NAT1: variants seen among roughly 807,000 people sequenced by gnomAD.
NAT1 encodes the protein N-acetyltransferase 1.
For missense variants in NAT1, 400 were observed against 339.2 expected (o/e 1.18, Z -1.41); for synonymous variants, 144 against 122.6 (o/e 1.17, Z -1.16).
intron 2 of NAT1, among the ~76,000 whole-genome samples, chr8:18,189,948 C>G (rs918248200): frequency 6.6e-6 from 1 of 152,094 alleles, no homozygotes; most frequent in Non-Finnish European, 1.5e-5. Flanking sequence ...TGCCACCACA[C>G]CTGGCTAATT....
At chr8:18,185,157 G>A (rs770518442) in intron 2 of NAT1, among the ~76,000 whole-genome samples, 36 of 152,174 alleles carry the variant, frequency 2.4e-4, no homozygotes, top group Non-Finnish European at 3.7e-4. Flanking sequence ...TTTGTGTACC[G>A]ACATTAGATT....
chr8:18,173,398 T>C (rs190481140), intron 2 of NAT1, among the ~76,000 whole-genome samples: 2 of 152,284 alleles, frequency 1.3e-5, no homozygotes, highest in South Asian at 2.1e-4. Flanking sequence ...TGTTCTTTTA[T>C]CATCCTGTTT....
At chr8:18,173,924 T>C (rs1802192214) in intron 2 of NAT1, among the ~76,000 whole-genome samples, 1 of 143,552 alleles carries the variant, frequency 7.0e-6, no homozygotes, top group African/African-American at 2.7e-5. Context: ...AAGGAGTGAA[T>C]AGACAGACTC....
chr8:18,189,170 T>C (rs1354890246), intron 2 of NAT1, among the ~76,000 whole-genome samples: 1 of 152,142 alleles, frequency 6.6e-6, no homozygotes, highest in African/African-American at 2.4e-5. Context: ...ACAGTTTTTT[T>C]CCTTGGGTAG....
intron 2 of NAT1, among the ~76,000 whole-genome samples, chr8:18,183,426 G>C (rs1221257267): frequency 6.6e-6 from 1 of 152,180 alleles, no homozygotes; most frequent in South Asian, 2.1e-4. Context: ...GTCCCGGTAA[G>C]TCCAAAGTCC....
rs1479620546 is a variant in NAT1 at position 18,222,846 on chromosome 8, C to T, written c.799C>T (p.Leu267=). Residue 267 remains leucine, a synonymous_variant, in exon 3 of 3, where the codon CTG becomes TTG. Transcript: ENST00000307719. ...GAGTGAGGAAGAAATAGAAAAAGTG[C>T]TGAAAAATATATTTAATATTTCCTT... ...TLSEEEIEKV[L]KNIFNISLQR... 1 of 1,601,052 alleles carries T rather than the reference C, an allele frequency of 6.2e-7. No homozygotes were observed. Among genetic ancestry groups the T allele is most frequent in the African/African-American group, 1.3e-5 (1 of 74,294 alleles).
chr8:18,189,192 C>A (rs1211251810), intron 2 of NAT1, among the ~76,000 whole-genome samples: 3 of 152,094 alleles, frequency 2.0e-5, no homozygotes, highest in Non-Finnish European at 4.4e-5. Flanking sequence ...ATTAGGGGTT[C>A]CTTGAGGATT....
intron 2 of NAT1, among the ~76,000 whole-genome samples, chr8:18,171,310 C>G (rs532174660): frequency 6.6e-6 from 1 of 152,142 alleles, no homozygotes; most frequent in Non-Finnish European, 1.5e-5. Flanking sequence ...CAGAACCACC[C>G]CCCCAAAATA....
intron 2 of NAT1, among the ~76,000 whole-genome samples, chr8:18,197,011 A>G (rs1803261788): frequency 6.6e-6 from 1 of 152,150 alleles, no homozygotes; most frequent in African/African-American, 2.4e-5. Flanking sequence ...AAGCATGGCT[A>G]AGAGGTCTCA....
In NAT1 at chr8:18,222,743, C is replaced by G. The variant is rs1437244884; in HGVS notation, c.696C>G (p.His232Gln). 1.2e-6 allele frequency: 2 copies of G among 1,613,798 alleles called. No homozygotes were observed. The highest frequency in any genetic ancestry group is 2.7e-5 in the African/African-American group (2 of 74,916). ...CCTTGCAGACCCCAGATGGGGTTCA[C>G]TGTTTGGTGGGCTTCACCCTCACCC... ...FCSLQTPDGV[H>Q]CLVGFTLTHR... The change falls in exon 3 of 3, where the codon CAC (histidine) becomes CAG (glutamine). Residue 232 changes from histidine to glutamine, a missense_variant. Coordinates refer to ENST00000307719, the MANE Select transcript of NAT1 (RefSeq NM_000662.8).
chr8:18,216,471 G>T (rs1404848108), intron 1 of NAT1, among the ~76,000 whole-genome samples: 3 of 152,168 alleles, frequency 2.0e-5, no homozygotes, highest in African/African-American at 7.2e-5. Context: ...ATCTGGCATG[G>T]GGAAGAGGAC....
intron 2 of NAT1, among the ~76,000 whole-genome samples, chr8:18,221,247 C>T (rs138404906): frequency 8.6e-5 from 13 of 151,396 alleles, no homozygotes; most frequent in Admixed American, 2.0e-4. Context: ...ATCCTCCTCA[C>T]GCATATCCTT....
At chr8:18,202,489 G>C (rs1253986307) in intron 2 of NAT1, among the ~76,000 whole-genome samples, 1 of 152,138 alleles carries the variant, frequency 6.6e-6, no homozygotes, top group East Asian at 1.9e-4. Context: ...GGACCTTTGC[G>C]GTGAGTGTTA....
intron 2 of NAT1, among the ~76,000 whole-genome samples, chr8:18,196,343 C>G (rs1224147796): frequency 6.6e-6 from 1 of 151,984 alleles, no homozygotes; most frequent in Non-Finnish European, 1.5e-5. Flanking sequence ...GTCTCTTTCA[C>G]CTGAGCCTTC....
chr8:18,194,045 G>T (rs960201948), intron 2 of NAT1, among the ~76,000 whole-genome samples: 11 of 152,270 alleles, frequency 7.2e-5, no homozygotes, highest in Middle Eastern at 6.8e-3. Context: ...CATCCTAACT[G>T]TTACTGGCTT....
At chr8:18,176,189 C>G (rs10104984) in intron 2 of NAT1, among the ~76,000 whole-genome samples, 6,579 of 151,988 alleles carry the variant, frequency 0.043, 470 homozygotes, top group African/African-American at 0.15. Flanking sequence ...TTTCTTTTGC[C>G]GTGCAGAAGT....
intron 2 of NAT1, among the ~76,000 whole-genome samples, chr8:18,192,146 A>G (rs1803016183): frequency 6.6e-6 from 1 of 151,930 alleles, no homozygotes; most frequent in African/African-American, 2.4e-5. Context: ...TTTACAAGAA[A>G]AAAACAAACA....
rs4986992 is a variant in NAT1 at position 18,222,068 on chromosome 8, T to G, written c.21T>G (p.Leu7=). 1,511 of 1,613,310 alleles carry G rather than the reference T, an allele frequency of 9.4e-4. 9 individuals carry two copies. In the African/African-American group the frequency reaches 0.017, roughly 18 times the overall value. The change falls in exon 3 of 3, where the codon CTT becomes CTG. Residue 7 remains leucine, a synonymous_variant. Transcript: ENST00000307719. ...GGATCATGGACATTGAAGCATATCTTGAAAGAATTGGCTATAAGAAGTCTA... is the reference window on the plus strand; with the variant it reads ...GGATCATGGACATTGAAGCATATCTGGAAAGAATTGGCTATAAGAAGTCTA... MDIEAY[L]ERIGYKKSRN...
intron 2 of NAT1, among the ~76,000 whole-genome samples, chr8:18,202,222 T>C (rs769216454): frequency 1.8e-4 from 27 of 152,336 alleles, no homozygotes; most frequent in Non-Finnish European, 3.1e-4. Context: ...CAGCAAATAA[T>C]GGTTTTAAAC....
Sources: allele counts gnomAD v4.1 joint callset (sites outside exome capture counted in the v4.1 genomes callset), GRCh38; gene constraint gnomAD v4.1.1; transcripts MANE v1.5; gene names NCBI Gene and HGNC (gene_info 2026-07-23, HGNC 2026-07-21).